The following NEDD4L variants were observed in gnomAD, a reference collection of about 807,000 sequenced individuals.
NEDD4L encodes the protein E3 ubiquitin-protein ligase NEDD4-like.
Under a neutral mutation model 148.9 loss-of-function variants are expected in NEDD4L, and 54 were observed. That is an observed-to-expected ratio of 0.36 (90% CI 0.29 to 0.45). The LOEUF is 0.45. Ranked by LOEUF, NEDD4L falls within the 20% of genes least tolerant of loss-of-function variation. The pLI is 1.00. For synonymous variants in NEDD4L, 433 were observed against 440.7 expected (o/e 0.98, Z 0.22); for missense variants, 856 against 1,233.8 (o/e 0.69, Z 4.59).
At chr18:58,345,204 A>G (rs1373923574) in intron 16 of NEDD4L, among the ~76,000 whole-genome samples, 1 of 152,236 alleles carries the variant, frequency 6.6e-6, no homozygotes, top group Non-Finnish European at 1.5e-5. Context: ...TGGAAATTCC[A>G]CAAGCTACTC....
At chr18:58,394,343 A>G (rs1438972439) in intron 30 of NEDD4L, among the ~76,000 whole-genome samples, 1 of 152,262 alleles carries the variant, frequency 6.6e-6, no homozygotes, top group Non-Finnish European at 1.5e-5. Context: ...AGATCTTGAC[A>G]TCCCGTCTTT....
intron 2 of NEDD4L, among the ~76,000 whole-genome samples, chr18:58,231,100 A>G (rs1238243320): frequency 6.6e-6 from 1 of 151,942 alleles, no homozygotes; most frequent in Non-Finnish European, 1.5e-5. Flanking sequence ...ATTAAAAAAA[A>G]ATTAGCCATG....
chr18:58,059,028 T>A (rs1283610780), intron 1 of NEDD4L, among the ~76,000 whole-genome samples: 1 of 152,218 alleles, frequency 6.6e-6, no homozygotes, highest in Non-Finnish European at 1.5e-5. Flanking sequence ...AAAAACATCT[T>A]TTTAAATGTC....
intron 2 of NEDD4L, among the ~76,000 whole-genome samples, chr18:58,234,050 T>TTTCCTTCC (rs201168566): frequency 2.2e-5 from 2 of 89,154 alleles, no homozygotes; most frequent in Non-Finnish European, 2.2e-5. Context: ...TTTCCTTTTC[T>TTTCCTTCC]TTCTTTCTTT....
intron 1 of NEDD4L, among the ~76,000 whole-genome samples, chr18:58,122,227 C>T (rs2030062595): frequency 6.6e-6 from 1 of 152,222 alleles, no homozygotes; most frequent in South Asian, 2.1e-4. Context: ...AGGCCGGGTG[C>T]TGTGGCTCAC....
chr18:58,300,478 G>A (rs185822044), intron 5 of NEDD4L, among the ~76,000 whole-genome samples: 23 of 152,328 alleles, frequency 1.5e-4, no homozygotes, highest in Admixed American at 1.4e-3. Context: ...AAATGCAGTA[G>A]TAGCTGGGCT....
At chr18:58,155,863 C>T (rs958097148) in intron 1 of NEDD4L, among the ~76,000 whole-genome samples, 1 of 152,212 alleles carries the variant, frequency 6.6e-6, no homozygotes, top group Non-Finnish European at 1.5e-5. Context: ...TGCACATGGA[C>T]TGTTCTCCTT....
At chr18:58,153,269 G>A (rs1477302021) in intron 1 of NEDD4L, among the ~76,000 whole-genome samples, 2 of 151,856 alleles carry the variant, frequency 1.3e-5, no homozygotes, top group Non-Finnish European at 1.5e-5. Flanking sequence ...GAAGCTTTGT[G>A]GAAGGATACA....
intron 2 of NEDD4L, among the ~76,000 whole-genome samples, chr18:58,228,185 C>T (rs2148060193): frequency 6.6e-6 from 1 of 152,364 alleles, no homozygotes; most frequent in South Asian, 2.1e-4. Flanking sequence ...GTGATGCACA[C>T]AAGTGACCAA....
chr18:58,376,994 A>G (rs1474021338), intron 24 of NEDD4L, among the ~76,000 whole-genome samples: 2 of 152,158 alleles, frequency 1.3e-5, no homozygotes, highest in Non-Finnish European at 2.9e-5. Context: ...GACCCTATGC[A>G]TCTTCCATGC....
At chr18:58,390,276 A>T (rs1456351788) in intron 28 of NEDD4L, 1 of 165,994 alleles carries the variant, frequency 6.0e-6, no homozygotes, top group Non-Finnish European at 1.3e-5. Flanking sequence ...CTGAAATCCC[A>T]TCTCATAACC....
intron 6 of NEDD4L, among the ~76,000 whole-genome samples, chr18:58,320,964 A>C (rs1273961151): frequency 6.6e-6 from 1 of 152,240 alleles, no homozygotes; most frequent in Non-Finnish European, 1.5e-5. Context: ...TTACTGCCTC[A>C]TAAGAACAGT....
chr18:58,071,832 C>A (rs2082886831), intron 1 of NEDD4L, among the ~76,000 whole-genome samples: 1 of 152,146 alleles, frequency 6.6e-6, no homozygotes, highest in Non-Finnish European at 1.5e-5. Context: ...CCGGGGAACT[C>A]CCATTTATAA....
chr18:58,214,144 A>G (rs763884251), intron 2 of NEDD4L, among the ~76,000 whole-genome samples: 22 of 149,076 alleles, frequency 1.5e-4, no homozygotes, highest in Non-Finnish European at 1.0e-4. Context: ...GAGGAAATGA[A>G]GCTTCCTGAT....
chr18:58,133,020 T>G (rs933259132), intron 1 of NEDD4L, among the ~76,000 whole-genome samples: 4 of 152,168 alleles, frequency 2.6e-5, no homozygotes, highest in Non-Finnish European at 4.4e-5. Context: ...GAGAGGCCAC[T>G]TTTCTCTGCA....
intron 5 of NEDD4L, among the ~76,000 whole-genome samples, chr18:58,306,109 A>G (rs2057027406): frequency 6.6e-6 from 1 of 152,228 alleles, no homozygotes. Context: ...GGAGAGCCAC[A>G]GAAGGCAAGC....
intron 2 of NEDD4L, among the ~76,000 whole-genome samples, chr18:58,169,593 T>A (rs1424267800): frequency 1.3e-5 from 2 of 152,140 alleles, no homozygotes; most frequent in Non-Finnish European, 2.9e-5. Context: ...AAGCACCTTT[T>A]AAAAAAGCAG....
intron 5 of NEDD4L, among the ~76,000 whole-genome samples, chr18:58,253,074 G>T (rs2048114655): frequency 6.6e-6 from 1 of 152,164 alleles, no homozygotes; most frequent in Admixed American, 6.5e-5. Flanking sequence ...AACTTGTATG[G>T]TATGTTGACT....
At chr18:58,156,596 C>A (rs891075893) in intron 1 of NEDD4L, among the ~76,000 whole-genome samples, 3 of 152,144 alleles carry the variant, frequency 2.0e-5, no homozygotes, top group African/African-American at 7.2e-5. Context: ...TTATCCTACC[C>A]CCCACCGCCT....
Sources: gnomAD v4.1 joint callset for allele counts (sites outside exome capture counted in the v4.1 genomes callset) on GRCh38, gnomAD v4.1.1 for gene constraint, MANE v1.5 for transcripts, NCBI Gene and HGNC (gene_info 2026-07-23, HGNC 2026-07-21) for gene names.